DYRK1A: variants seen among roughly 807,000 people sequenced by gnomAD.
DYRK1A encodes dual specificity tyrosine-phosphorylation-regulated kinase 1A.
A neutral mutation model predicts 79.7 loss-of-function variants in DYRK1A; 9 were observed. The ratio of observed to expected loss-of-function variants is 0.11; its 90% CI spans 0.07 to 0.20. The LOEUF (loss-of-function observed/expected upper bound fraction) is 0.20. Ranked by LOEUF, DYRK1A falls within the 10% of genes least tolerant of loss-of-function variation. DYRK1A has a pLI of 1.00. For synonymous variants in DYRK1A, 349 were observed against 329.7 expected (o/e 1.06, Z -0.63); for missense variants, 622 against 956.0 (o/e 0.65, Z 4.61).
intron 2 of DYRK1A, among the ~76,000 whole-genome samples, chr21:37,452,362 A>AGT (rs1223119066): frequency 2.9e-5 from 4 of 138,160 alleles, no homozygotes; most frequent in African/African-American, 1.1e-4. Context: ...GATTGAGGTA[A>AGT]AGGGGGTGGG....
intron 11 of DYRK1A, among the ~76,000 whole-genome samples, chr21:37,509,506 G>A (rs1318706355): frequency 7.2e-5 from 11 of 152,138 alleles, no homozygotes; most frequent in African/African-American, 2.7e-4. Flanking sequence ...GAGTGCACTC[G>A]TGTCATCACA....
At chr21:37,458,268 C>CTCTGTGTG (rs10635582) in intron 2 of DYRK1A, among the ~76,000 whole-genome samples, 91 of 130,586 alleles carry the variant, frequency 7.0e-4, no homozygotes, top group African/African-American at 2.3e-3. Context: ...GGGTAATTTA[C>CTCTGTGTG]TGTGTGTGTG....
chr21:37,521,032 A>G lies in DYRK1A; in HGVS notation c.*8501A>G, dbSNP rs1050130409. 4 of 152,246 alleles carry G rather than the reference A, an allele frequency of 2.6e-5. No homozygotes were observed. The highest frequency in any genetic ancestry group is 2.6e-4 in the Admixed American group (4 of 15,280). 9.4% of individuals were successfully genotyped at this position (152,246 alleles called of 1,614,324 possible). On this transcript the variant is annotated 3_prime_UTR_variant, in exon 12 of 12. Transcript: ENST00000647188. ...TCTGTAGGCGGATGTTTCTGAAGGC[A>G]TCTCCCACTGATTATGTAATGACAG... is the stretch of plus-strand genomic sequence containing the variant.
intron 1 of DYRK1A, among the ~76,000 whole-genome samples, chr21:37,381,377 A>T (rs371594449): frequency 6.6e-6 from 1 of 152,226 alleles, no homozygotes. Flanking sequence ...TGAAATGCCT[A>T]CTATGTATTG....
chr21:37,485,293 G>C (rs1030012248), intron 5 of DYRK1A, among the ~76,000 whole-genome samples: 1 of 152,158 alleles, frequency 6.6e-6, no homozygotes, highest in Non-Finnish European at 1.5e-5. Flanking sequence ...AGTGCAGTCA[G>C]TACATCCAGT....
chr21:37,483,060 T>TA (rs2052714226), intron 5 of DYRK1A, among the ~76,000 whole-genome samples: 1 of 152,138 alleles, frequency 6.6e-6, no homozygotes, highest in Non-Finnish European at 1.5e-5. Flanking sequence ...TGAGGCGACA[T>TA]ACATCCTCCT....
chr21:37,423,811 T>C (rs1426247365), intron 2 of DYRK1A, among the ~76,000 whole-genome samples: 1 of 152,180 alleles, frequency 6.6e-6, no homozygotes, highest in African/African-American at 2.4e-5. Context: ...GAAATTTATT[T>C]TTAAATGTGC....
chr21:37,506,147 C>A lies in DYRK1A; in HGVS notation c.1568C>A (p.Thr523Lys). ...AGTGGGAGAGCCCGGTCGGATCCGA[C>A]GCACCAGCATCGGCACAGTGGTGGG... ...SNSGRARSDP[T>K]HQHRHSGGHF... The change falls in exon 11 of 12, where the codon ACG becomes AAG. Residue 523 changes from threonine (T) to lysine (K), a missense_variant. By Grantham distance (78) the Thr-to-Lys change is moderately conservative. This residue lies in a region of DYRK1A where 292 missense variants were observed against 316.7 expected (regional missense o/e 0.92). Coordinates refer to ENST00000647188, the MANE Select transcript of DYRK1A (RefSeq NM_001347721.2). 6.2e-7 allele frequency: 1 copy of A among 1,614,060 alleles called. No individual in the cohort carries two copies. The highest frequency in any genetic ancestry group is 8.5e-7 in the Non-Finnish European group (1 of 1,179,932).
intron 11 of DYRK1A, among the ~76,000 whole-genome samples, chr21:37,511,429 T>G (rs1000070665): frequency 7.2e-5 from 11 of 152,176 alleles, no homozygotes; most frequent in African/African-American, 2.7e-4. Flanking sequence ...AGGCCAAATT[T>G]GGAATCTGTT....
chr21:37,380,287 T>C (rs541486762), intron 1 of DYRK1A, among the ~76,000 whole-genome samples: 1 of 152,354 alleles, frequency 6.6e-6, no homozygotes, highest in South Asian at 2.1e-4. Flanking sequence ...ACATCAAATG[T>C]TCGTTATTGA....
At chr21:37,411,374 C>G (rs936896966) in intron 1 of DYRK1A, among the ~76,000 whole-genome samples, 1 of 147,676 alleles carries the variant, frequency 6.8e-6, no homozygotes, top group Non-Finnish European at 1.5e-5. Flanking sequence ...CCCCCTCCCC[C>G]CCAAAAAATG....
rs58419137 is a variant in DYRK1A, at chr21:37,489,633, TA to T, written c.638-530del. 4.5e-3 allele frequency among the ~76,000 whole-genome samples: 644 copies of T among 143,334 alleles called. 1 individual carries two copies. The highest frequency in any genetic ancestry group is 5.3e-3 in the Non-Finnish European group (348 of 65,186). The allele number at this position is 143,334 out of a possible 152,430, so 94.0% of individuals were successfully genotyped here. On this transcript the variant is annotated intron_variant, in intron 6 of 11. Coordinates refer to ENST00000647188, the MANE Select transcript of DYRK1A (RefSeq NM_001347721.2). ...ACATTTGTTGTATTTGCCTAAAGGG[TA>T]AAAAAAAAAAAGGCTATCAATGAAA...
chr21:37,383,034 T>A (rs1179135556), intron 1 of DYRK1A, among the ~76,000 whole-genome samples: 1 of 152,184 alleles, frequency 6.6e-6, no homozygotes, highest in African/African-American at 2.4e-5. Context: ...GGGAGAGCGA[T>A]CTCCACCATT....
chr21:37,484,925 C>T (rs1027857229), intron 5 of DYRK1A, among the ~76,000 whole-genome samples: 1 of 152,070 alleles, frequency 6.6e-6, no homozygotes, highest in African/African-American at 2.4e-5. Context: ...AGGTCCTGTC[C>T]CTCACCAGAA....
chr21:37,419,345 T>C (rs2050418960), intron 1 of DYRK1A: 2 of 152,140 alleles, frequency 1.3e-5, no homozygotes, highest in Admixed American at 1.3e-4. Context: ...GCATTGGGAA[T>C]TGAGAGGGTG....
rs151252935 is a variant in DYRK1A, at chr21:37,447,123, C to T, written c.11-25561C>T. The stretch of plus-strand genomic sequence containing the variant: ...AGGAGAACTTGCTTCTTTTATATCC[C>T]CTTCCTCCCTGTCAATCTATGATTG... On this transcript the variant is annotated intron_variant, in intron 2 of 11. Coordinates refer to ENST00000647188, the MANE Select transcript of DYRK1A (RefSeq NM_001347721.2). Among the ~76,000 whole-genome samples, 355 of 152,210 alleles carry T rather than the reference C, an allele frequency of 2.3e-3. 1 individual carries two copies. The highest frequency in any genetic ancestry group is 8.2e-3 in the African/African-American group (342 of 41,532).
intron 10 of DYRK1A, 62 bp downstream of exon 10, chr21:37,505,651 A>T (rs2053574068): frequency 1.3e-6 from 2 of 1,483,096 alleles, no homozygotes; most frequent in Non-Finnish European, 1.8e-6. Flanking sequence ...ATGAAGTGGG[A>T]TTATTTTAAA....
chr21:37,468,276 T>C (rs76990396), intron 2 of DYRK1A, among the ~76,000 whole-genome samples: 1 of 146,768 alleles, frequency 6.8e-6, no homozygotes, highest in South Asian at 2.2e-4. Context: ...CATGCCTGGC[T>C]TTTTTTTTTT....
chr21:37,439,582 C>T (rs2051029119), intron 2 of DYRK1A, among the ~76,000 whole-genome samples: 1 of 152,154 alleles, frequency 6.6e-6, no homozygotes, highest in Admixed American at 6.5e-5. Flanking sequence ...CTCGCATAGA[C>T]ATGCACATGC....
Sources: gnomAD v4.1 joint callset for allele counts (sites outside exome capture counted in the v4.1 genomes callset) on GRCh38, gnomAD v4.1.1 for gene constraint, gnomAD v4.1.1 regional missense constraint, MANE v1.5 for transcripts, NCBI Gene and HGNC (gene_info 2026-07-23, HGNC 2026-07-21) for gene names.